The following TET2 variants were observed in gnomAD, a reference collection of about 807,000 sequenced individuals.
TET2 encodes methylcytosine dioxygenase TET2.
A neutral mutation model predicts 142.9 loss-of-function variants in TET2; 299 were observed. The ratio of observed to expected loss-of-function variants is 2.09; its 90% confidence interval spans 1.90 to 2.30. The LOEUF is 2.30. Among genes scored for constraint, TET2 ranks in the 30% most tolerant of loss-of-function variants. The pLI, the probability that TET2 is intolerant of heterozygous loss-of-function variation, is 0.00. For missense variants in TET2, 2,418 were observed against 2,378.0 expected (o/e 1.02, Z -0.35); for synonymous variants, 819 against 849.0 (o/e 0.96, Z 0.61).
At chr4:105,185,991 T>C (rs1384573150) in intron 1 of TET2, among the ~76,000 whole-genome samples, 1 of 152,036 alleles carries the variant, frequency 6.6e-6, no homozygotes, top group Non-Finnish European at 1.5e-5. Flanking sequence ...CTTTGGAAGG[T>C]TGACGCAGGT....
chr4:105,198,452 A>T (rs1052302658), intron 2 of TET2, among the ~76,000 whole-genome samples: 8 of 152,242 alleles, frequency 5.3e-5, no homozygotes, highest in African/African-American at 1.9e-4. Flanking sequence ...TTAGCTTTTG[A>T]TAATGATATG....
intron 6 of TET2, among the ~76,000 whole-genome samples, chr4:105,245,068 A>G (rs1729520440): frequency 6.6e-6 from 1 of 152,210 alleles, no homozygotes; most frequent in Non-Finnish European, 1.5e-5. Flanking sequence ...TGCTGTTTAA[A>G]ACTCTAACTA....
intron 6 of TET2, among the ~76,000 whole-genome samples, chr4:105,258,048 A>T (rs540410045): frequency 4.6e-5 from 7 of 152,154 alleles, no homozygotes; most frequent in Non-Finnish European, 8.8e-5. Flanking sequence ...TGCTTTTCAT[A>T]ATAAATGTGG....
intron 2 of TET2, among the ~76,000 whole-genome samples, chr4:105,226,910 G>A (rs1728226972): frequency 2.0e-5 from 3 of 152,130 alleles, no homozygotes; most frequent in Non-Finnish European, 4.4e-5. Flanking sequence ...CCAGAAGCAA[G>A]ATCTCTTTGT....
At chr4:105,239,989 T>C (rs1222122894) in intron 3 of TET2, 4 of 242,160 alleles carry the variant, frequency 1.7e-5, no homozygotes, top group African/African-American at 6.7e-5. Flanking sequence ...GGCTGGTTGA[T>C]AGAGCAGGCA....
intron 1 of TET2, among the ~76,000 whole-genome samples, chr4:105,172,262 C>T (rs948793824): frequency 1.3e-5 from 2 of 152,096 alleles, no homozygotes; most frequent in Admixed American, 1.3e-4. Flanking sequence ...CTACTAATAG[C>T]CTGCTGTTGT....
chr4:105,268,729 C>T (rs970130389), intron 8 of TET2, among the ~76,000 whole-genome samples: 5 of 152,070 alleles, frequency 3.3e-5, no homozygotes, highest in Admixed American at 6.5e-5. Context: ...CCAGCACTTT[C>T]GGAGGCCGAG....
intron 2 of TET2, among the ~76,000 whole-genome samples, chr4:105,191,491 G>GA (rs1725785165): frequency 6.6e-6 from 1 of 151,890 alleles, no homozygotes; most frequent in Non-Finnish European, 1.5e-5. Context: ...GGATTAGATA[G>GA]AAAAAAGGAA....
intron 2 of TET2, among the ~76,000 whole-genome samples, chr4:105,223,267 A>G (rs1415325774): frequency 6.6e-6 from 1 of 152,194 alleles, no homozygotes; most frequent in African/African-American, 2.4e-5. Flanking sequence ...GAAACATTAT[A>G]TTCCAGGTCT....
chr4:105,159,114 C>T (rs1395481202), intron 1 of TET2, among the ~76,000 whole-genome samples: 3 of 152,066 alleles, frequency 2.0e-5, no homozygotes, highest in Non-Finnish European at 2.9e-5. Context: ...TGTCCGGGAG[C>T]CCTTGTCTGG....
intron 2 of TET2, among the ~76,000 whole-genome samples, chr4:105,199,726 T>G (rs1269667386): frequency 1.3e-5 from 2 of 152,132 alleles, no homozygotes; most frequent in African/African-American, 4.8e-5. Flanking sequence ...CCGGTGTGTG[T>G]TGTTCCCCTC....
intron 1 of TET2, among the ~76,000 whole-genome samples, chr4:105,183,553 T>C (rs895178854): frequency 2.0e-5 from 3 of 152,194 alleles, no homozygotes; most frequent in Admixed American, 6.5e-5. Flanking sequence ...ATAGGCTCTC[T>C]AGTCCTCAGT....
intron 1 of TET2, among the ~76,000 whole-genome samples, chr4:105,159,397 A>G (rs1365730916): frequency 6.6e-6 from 1 of 151,800 alleles, no homozygotes; most frequent in Non-Finnish European, 1.5e-5. Context: ...CTGGGATTAT[A>G]GGCATGCGCC....
intron 6 of TET2, among the ~76,000 whole-genome samples, chr4:105,247,347 C>A (rs938987877): frequency 6.6e-6 from 1 of 151,578 alleles, no homozygotes; most frequent in African/African-American, 2.4e-5. Flanking sequence ...TTTCAGAAAA[C>A]ACACACATAA....
rs367758008 is a variant in TET2 at position 105,237,421 on chromosome 4, G to A, written c.3409+70G>A. 350 of 1,613,828 alleles carry A rather than the reference G, an allele frequency of 2.2e-4. 19 individuals carry two copies. Among genetic ancestry groups the A allele is most frequent in the East Asian group, 1.3e-3 (60 of 44,842 alleles). On this transcript the variant is annotated intron_variant, in intron 3 of 10. Coordinates refer to ENST00000380013, the MANE Select transcript of TET2 (RefSeq NM_001127208.3). Reference sequence around the variant, plus strand: ...TTAGCAAATTTATCTTCAGATATGGGATTTTCCTTCTTTTTTTAAATCTTG... The same window carrying A: ...TTAGCAAATTTATCTTCAGATATGGAATTTTCCTTCTTTTTTTAAATCTTG...
At chr4:105,185,430 C>CT (rs993417167) in intron 1 of TET2, among the ~76,000 whole-genome samples, 6 of 152,068 alleles carry the variant, frequency 3.9e-5, no homozygotes, top group South Asian at 2.1e-4. Flanking sequence ...TTTTTATTGT[C>CT]TTTTTTTTCT....
In TET2 at chr4:105,234,384, A is replaced by T; in HGVS notation, c.442A>T (p.Lys148Ter). The change falls in exon 3 of 11, where the codon AAA (lysine) becomes TAA (stop). Residue 148 changes from lysine (K) to a stop codon, truncating the protein, a stop_gained. Coordinates refer to ENST00000380013, the MANE Select transcript of TET2 (RefSeq NM_001127208.3). LOFTEE classifies it high-confidence loss of function. Reference protein sequence around the residue: ...QPNVSDLSDKKESVSSVAQEN... With the variant: ...QPNVSDLSDK ...AAATGTCTCCGATTTGAGTGATAAG[A>T]AAGAATCTGTGAGTTCTGTAGCCCA... is the stretch of plus-strand genomic sequence containing the variant. 1 of 1,614,076 alleles carries T rather than the reference A, an allele frequency of 6.2e-7. No homozygotes were observed. The highest frequency in any genetic ancestry group is 8.5e-7 in the Non-Finnish European group (1 of 1,180,014).
intron 1 of TET2, among the ~76,000 whole-genome samples, chr4:105,150,847 A>C (rs1399969403): frequency 6.6e-6 from 1 of 152,220 alleles, no homozygotes; most frequent in Non-Finnish European, 1.5e-5. Flanking sequence ...GGGTTCCAGG[A>C]GGGAAAGGGG....
chr4:105,256,697 C>CT (rs1730151280), intron 6 of TET2, among the ~76,000 whole-genome samples: 1 of 152,208 alleles, frequency 6.6e-6, no homozygotes, highest in East Asian at 1.9e-4. Flanking sequence ...CTTTATTCTT[C>CT]ATCCTCTACT....
Sources: allele counts gnomAD v4.1 joint callset (sites outside exome capture counted in the v4.1 genomes callset), GRCh38; gene constraint gnomAD v4.1.1; transcripts MANE v1.5; gene names NCBI Gene and HGNC (gene_info 2026-07-23, HGNC 2026-07-21).